NFXL1: variants seen among roughly 807,000 people sequenced by gnomAD.
The protein encoded by NFXL1 is NF-X1-type zinc finger protein NFXL1.
NFXL1 carries 66 observed loss-of-function variants against 123.3 expected under a neutral mutation model. The observed-to-expected ratio is 0.54, with a 90% CI of 0.44 to 0.66. NFXL1 has a LOEUF of 0.66. Ranked by LOEUF, NFXL1 falls within the 30% of genes least tolerant of loss-of-function variation. NFXL1 has a pLI of 0.00. For synonymous variants in NFXL1, 346 were observed against 360.8 expected (o/e 0.96, Z 0.46); for missense variants, 944 against 1,125.6 (o/e 0.84, Z 2.31).
intron 21 of NFXL1, 146 bp downstream of exon 21, chr4:47,851,710 G>T: frequency 1.8e-6 from 1 of 552,910 alleles, no homozygotes. Flanking sequence ...ATCCCAATCT[G>T]CCATTCAAAA....
intron 10 of NFXL1, 70 bp from the exon 11 acceptor site, chr4:47,894,372 A>G: frequency 2.6e-6 from 3 of 1,157,802 alleles, no homozygotes; most frequent in Non-Finnish European, 2.3e-6. Flanking sequence ...TGCAACTTCT[A>G]CAATTATTAA....
chr4:47,889,170 T>C (rs1183836459), intron 12 of NFXL1, among the ~76,000 whole-genome samples: 1 of 152,218 alleles, frequency 6.6e-6, no homozygotes, highest in Non-Finnish European at 1.5e-5. Context: ...TCCTTTGGTC[T>C]TTTAATGTGG....
chr4:47,852,993 C>A (rs1030008596), intron 20 of NFXL1, among the ~76,000 whole-genome samples: 4 of 149,744 alleles, frequency 2.7e-5, no homozygotes, highest in African/African-American at 9.8e-5. Context: ...CTTAGTTCTT[C>A]ATTTTTGGCT....
intron 22 of NFXL1, among the ~76,000 whole-genome samples, chr4:47,850,435 G>A (rs943120339): frequency 3.9e-5 from 6 of 151,904 alleles, no homozygotes. Context: ...AATACAATCT[G>A]ATAAGTATAA....
chr4:47,892,134 G>A (rs1170955292), intron 11 of NFXL1, among the ~76,000 whole-genome samples: 1 of 152,132 alleles, frequency 6.6e-6, no homozygotes, highest in Non-Finnish European at 1.5e-5. Flanking sequence ...CAAACCACTA[G>A]AAAACCACAT....
rs539710257 is a variant in NFXL1 at position 47,912,485 on chromosome 4, A to T, written c.235+1484T>A. 3.0e-5 allele frequency among the ~76,000 whole-genome samples: 4 copies of T among 132,488 alleles called. 1 individual carries two copies. The highest frequency in any genetic ancestry group is 1.1e-4 in the African/African-American group (4 of 34,878). The allele number at this position is 132,488 out of a possible 152,430, so 86.9% of individuals were successfully genotyped here. On this transcript the variant is annotated intron_variant, in intron 2 of 22. Coordinates refer to ENST00000507489, the MANE Select transcript of NFXL1 (RefSeq NM_001278624.2). Reference sequence around the variant, plus strand: ...TCTTTTTTTTTTTTTTTTGAGACGGAGTCTTGCTCTGTCGCCCAGGCTGGA... The same window carrying T: ...TCTTTTTTTTTTTTTTTTGAGACGGTGTCTTGCTCTGTCGCCCAGGCTGGA...
At chr4:47,888,488 T>C (rs114778706) in intron 12 of NFXL1, among the ~76,000 whole-genome samples, 2,588 of 152,084 alleles carry the variant, frequency 0.017, 72 homozygotes, top group African/African-American at 0.059. Flanking sequence ...ATACTTTACA[T>C]CAAGGAAAAT....
At chr4:47,903,358 A>G in intron 4 of NFXL1, 35 bp from the exon 5 acceptor site, 1 of 1,400,498 alleles carries the variant, frequency 7.1e-7, no homozygotes, top group South Asian at 1.6e-5. Context: ...ATATATGTTA[A>G]TTTTTCTTTG....
At chr4:47,865,713 G>C (rs1560584703) in intron 18 of NFXL1, among the ~76,000 whole-genome samples, 1 of 152,198 alleles carries the variant, frequency 6.6e-6, no homozygotes, top group Non-Finnish European at 1.5e-5. Flanking sequence ...ACACCAGGCT[G>C]GGTGCAGTGG....
chr4:47,847,411 G>A lies in NFXL1; in HGVS notation c.*752C>T, dbSNP rs1315606709. On this transcript the variant is annotated 3_prime_UTR_variant, in exon 23 of 23. Transcript: ENST00000507489. ...ATTTAAGATTGTGGTAAGGAGAAAC[G>A]AGATTAAGGTACATAGACCTCATAA... is the stretch of plus-strand genomic sequence containing the variant. 5.9e-5 allele frequency: 9 copies of A among 152,154 alleles called. No individual in the cohort carries two copies. Among genetic ancestry groups the A allele is most frequent in the African/African-American group, 1.9e-4 (8 of 41,430 alleles). 9.4% of individuals were successfully genotyped at this position (152,154 alleles called of 1,614,324 possible).
chr4:47,864,560 C>T (rs1734946055), intron 18 of NFXL1, among the ~76,000 whole-genome samples: 1 of 152,238 alleles, frequency 6.6e-6, no homozygotes, highest in South Asian at 2.1e-4. Flanking sequence ...TGTTGGGTTT[C>T]CCTACTCGGT....
rs914247308 is a variant in NFXL1, at chr4:47,848,440, TATATAGTCA to T, written c.2563-113_2563-105del. Reference sequence around the variant, plus strand: ...TTGGGTAATGTTTTAATAGTAATGATATATAGTCAATATATTGATTTGATTTTTTAAAAC... The same window carrying T: ...TTGGGTAATGTTTTAATAGTAATGATATATATTGATTTGATTTTTTAAAAC... On this transcript the variant is annotated intron_variant, in intron 22 of 22. Transcript: ENST00000507489. 97 of 807,318 alleles carry T rather than the reference TATATAGTCA, an allele frequency of 1.2e-4. No individual in the cohort carries two copies. The African/African-American group carries it at 1.5e-3, about 13-fold the overall frequency. 50.0% of individuals were successfully genotyped at this position (807,318 alleles called of 1,614,324 possible). A position where few individuals can be genotyped will look rare whatever the true frequency, so the allele number is the denominator to read the frequency against.
chr4:47,894,249 A>C lies in NFXL1; in HGVS notation c.1383T>G (p.His461Gln). 1 of 1,605,068 alleles carries C rather than the reference A, an allele frequency of 6.2e-7. No individual in the cohort carries two copies. The highest frequency in any genetic ancestry group is 8.5e-7 in the Non-Finnish European group (1 of 1,174,858). ...CGKHTKRMPC[H>Q]KPYLCETKCV... Reference sequence around the variant, plus strand: ...ACTTAGTTTCACACAGATAAGGTTTATGACAAGGCATTCGTTTTGTATGCT... The same window carrying C: ...ACTTAGTTTCACACAGATAAGGTTTCTGACAAGGCATTCGTTTTGTATGCT... The change falls in exon 11 of 23, where the codon CAT (histidine) becomes CAG (glutamine). Residue 461 changes from histidine to glutamine, a missense_variant. Around this residue, in one of 4 missense-constraint regions of NFXL1, gnomAD observed 296 missense variants for 395.1 expected, o/e 0.75. Coordinates refer to ENST00000507489, the MANE Select transcript of NFXL1 (RefSeq NM_001278624.2).
intron 12 of NFXL1, 59 bp downstream of exon 12, chr4:47,890,554 G>GAA: frequency 3.3e-5 from 26 of 791,466 alleles, no homozygotes; most frequent in South Asian, 5.1e-5. Flanking sequence ...TATTGACAAT[G>GAA]AAAAAAAAAA....
intron 5 of NFXL1, among the ~76,000 whole-genome samples, chr4:47,900,736 T>C (rs1220987954): frequency 6.6e-6 from 1 of 152,210 alleles, no homozygotes; most frequent in East Asian, 1.9e-4. Flanking sequence ...TAGAACAAGT[T>C]TCATATTAAC....
intron 15 of NFXL1, among the ~76,000 whole-genome samples, chr4:47,879,817 T>C (rs1218327807): frequency 6.6e-6 from 1 of 152,090 alleles, no homozygotes; most frequent in Non-Finnish European, 1.5e-5. Context: ...GGTAATTGAA[T>C]GAAGAAAGGA....
intron 6 of NFXL1, 107 bp downstream of exon 6, chr4:47,899,263 T>C: frequency 7.6e-7 from 1 of 1,309,456 alleles, no homozygotes. Flanking sequence ...CAATATTTTC[T>C]CATGGCAAAC....
At chr4:47,857,795 G>C (rs1448955875) in intron 19 of NFXL1, among the ~76,000 whole-genome samples, 1 of 152,110 alleles carries the variant, frequency 6.6e-6, no homozygotes, top group African/African-American at 2.4e-5. Flanking sequence ...TCCATGGTGA[G>C]TCTATTAGGT....
chr4:47,857,491 G>A (rs1007377350), intron 19 of NFXL1, among the ~76,000 whole-genome samples: 1 of 152,104 alleles, frequency 6.6e-6, no homozygotes, highest in African/African-American at 2.4e-5. Flanking sequence ...AAAAATCACT[G>A]GTCTTGATGT....
Sources: allele counts gnomAD v4.1 joint callset (sites outside exome capture counted in the v4.1 genomes callset), GRCh38; gene constraint gnomAD v4.1.1; regional missense constraint gnomAD v4.1.1; transcripts MANE v1.5; gene names NCBI Gene and HGNC (gene_info 2026-07-23, HGNC 2026-07-21).